Variants in IGF1R observed in about 807,000 individuals in gnomAD.
IGF1R encodes the protein insulin like growth factor 1 receptor.
IGF1R carries 44 observed loss-of-function variants against 144.6 expected under a neutral mutation model. That is an observed-to-expected ratio of 0.30 (90% CI 0.24 to 0.39). The LOEUF (loss-of-function observed/expected upper bound fraction) is 0.39, where lower values mean the gene tolerates loss of function less well. Among genes scored for constraint, IGF1R ranks in the 10% least tolerant of loss-of-function variants. The probability of loss-of-function intolerance (pLI) is 1.00; values close to 1 mark genes in which losing one functional copy is unlikely to be tolerated. For missense variants in IGF1R, 1,355 were observed against 1,833.7 expected (o/e 0.74, Z 4.77); for synonymous variants, 795 against 722.8 (o/e 1.10, Z -1.60).
At chr15:98,915,481 C>T (rs563264528) in intron 8 of IGF1R, among the ~76,000 whole-genome samples, 7 of 152,226 alleles carry the variant, frequency 4.6e-5, no homozygotes, top group Non-Finnish European at 7.3e-5. Context: ...CACACACAGA[C>T]TCTCCAGGCC....
At chr15:98,782,479 A>G (rs2055882499) in intron 2 of IGF1R, among the ~76,000 whole-genome samples, 1 of 152,128 alleles carries the variant, frequency 6.6e-6, no homozygotes, top group Admixed American at 6.5e-5. Context: ...CATATGTTCT[A>G]CTGTATAATT....
chr15:98,853,529 A>G (rs1438887120), intron 2 of IGF1R, among the ~76,000 whole-genome samples: 1 of 152,230 alleles, frequency 6.6e-6, no homozygotes, highest in Admixed American at 6.5e-5. Context: ...AATGACATCC[A>G]GTCTTGCTTA....
chr15:98,913,056 T>C lies in IGF1R; in HGVS notation c.1602T>C (p.Asn534=). The change falls in exon 8 of 21, where the codon AAT becomes AAC. Residue 534 remains asparagine, a synonymous_variant. Transcript: ENST00000650285. ...TVYYKEAPFK[N]VTEYDGQDAC... is the part of the protein sequence containing the mutation. ...AATTGTCTTTCAGACCCTTTAAGAA[T>C]GTCACAGAGTATGATGGGCAGGATG... The C allele has an allele frequency of 1.2e-6, 2 of 1,613,344 alleles. No individual in the cohort carries two copies. The highest frequency in any genetic ancestry group is 1.7e-6 in the Non-Finnish European group (2 of 1,179,220).
rs535350747 is a variant in IGF1R, at chr15:98,960,418, CTGGCTGGTTGTCTT to C, written c.*2980_*2993del. 72 of 233,348 alleles carry C rather than the reference CTGGCTGGTTGTCTT, an allele frequency of 3.1e-4. No homozygotes were observed. In the East Asian group the frequency reaches 4.3e-3, roughly 14 times the overall value. 14.5% of individuals were successfully genotyped at this position (233,348 alleles called of 1,614,324 possible). The stretch of plus-strand genomic sequence containing the variant: ...ACCTGGGGGAGCCACCAGGCTGTCC[CTGGCTGGTTGTCTT>C]TGGAACAAACTGCTTCTGTGCAGAT... On this transcript the variant is annotated 3_prime_UTR_variant, in exon 21 of 21. Transcript: ENST00000650285.
intron 2 of IGF1R, among the ~76,000 whole-genome samples, chr15:98,822,933 A>G (rs1053519629): frequency 2.0e-5 from 3 of 152,236 alleles, no homozygotes; most frequent in African/African-American, 7.2e-5. Flanking sequence ...AGGTTCCAGC[A>G]TAGTATTGCA....
intron 3 of IGF1R, among the ~76,000 whole-genome samples, chr15:98,896,361 G>A (rs2014197169): frequency 1.3e-5 from 2 of 152,116 alleles, no homozygotes; most frequent in South Asian, 4.1e-4. Context: ...CAGGTACACA[G>A]GCCAGGGTCA....
At chr15:98,657,323 G>A (rs2052510032) in intron 1 of IGF1R, among the ~76,000 whole-genome samples, 1 of 152,186 alleles carries the variant, frequency 6.6e-6, no homozygotes, top group Non-Finnish European at 1.5e-5. Flanking sequence ...GAAATTCCAG[G>A]TAGGAGCCCA....
At chr15:98,918,287 C>G (rs1260599051) in intron 10 of IGF1R, among the ~76,000 whole-genome samples, 1 of 152,168 alleles carries the variant, frequency 6.6e-6, no homozygotes, top group Non-Finnish European at 1.5e-5. Flanking sequence ...CCAGCACGTT[C>G]CCTTCCCCTC....
intron 1 of IGF1R, among the ~76,000 whole-genome samples, chr15:98,700,334 A>G (rs1246708825): frequency 6.6e-6 from 1 of 152,046 alleles, no homozygotes. Flanking sequence ...GAGAGAGAGA[A>G]TGTCAATTTG....
intron 2 of IGF1R, among the ~76,000 whole-genome samples, chr15:98,809,489 G>T (rs2056539666): frequency 6.6e-6 from 1 of 152,180 alleles, no homozygotes; most frequent in African/African-American, 2.4e-5. Context: ...TGGGAACATT[G>T]CCTGGTCTAC....
chr15:98,685,056 C>T (rs1191351950), intron 1 of IGF1R, among the ~76,000 whole-genome samples: 1 of 151,800 alleles, frequency 6.6e-6, no homozygotes, highest in African/African-American at 2.4e-5. Flanking sequence ...GATCCTCCTG[C>T]CTCAGCCTCC....
At chr15:98,908,324 G>C (rs1408642719) in intron 5 of IGF1R, among the ~76,000 whole-genome samples, 1 of 152,222 alleles carries the variant, frequency 6.6e-6, no homozygotes, top group Non-Finnish European at 1.5e-5. Context: ...GAGCATGTCT[G>C]TTCTCTCATG....
intron 2 of IGF1R, among the ~76,000 whole-genome samples, chr15:98,746,830 G>A (rs1192025521): frequency 2.0e-5 from 3 of 152,186 alleles, no homozygotes; most frequent in Admixed American, 1.3e-4. Context: ...AAATGGGTGT[G>A]TGTTGTTCGT....
intron 1 of IGF1R, among the ~76,000 whole-genome samples, chr15:98,670,858 C>T (rs1011852654): frequency 3.3e-5 from 5 of 152,150 alleles, no homozygotes; most frequent in African/African-American, 1.2e-4. Context: ...AACCTGTCAT[C>T]TCACATGACC....
intron 2 of IGF1R, among the ~76,000 whole-genome samples, chr15:98,719,766 C>A (rs1012754525): frequency 6.6e-6 from 1 of 152,172 alleles, no homozygotes; most frequent in Admixed American, 6.5e-5. Context: ...GTGTTCAGTG[C>A]TTTAGGGTGG....
intron 2 of IGF1R, among the ~76,000 whole-genome samples, chr15:98,793,762 A>G (rs2056178286): frequency 6.6e-6 from 1 of 152,206 alleles, no homozygotes; most frequent in South Asian, 2.1e-4. Flanking sequence ...TTATACCCAG[A>G]GGTCTGCAGG....
chr15:98,942,787 A>G, intron 18 of IGF1R, 136 bp from the exon 19 acceptor site: 2 of 1,094,778 alleles, frequency 1.8e-6, no homozygotes, highest in Non-Finnish European at 2.8e-6. Context: ...AAACCCTAAT[A>G]TTTGGCCACC....
At chr15:98,831,317 A>ATC (rs1882408288) in intron 2 of IGF1R, among the ~76,000 whole-genome samples, 1 of 152,208 alleles carries the variant, frequency 6.6e-6, no homozygotes, top group South Asian at 2.1e-4. Flanking sequence ...CTCCACCAGA[A>ATC]TCCATCTCAC....
At chr15:98,706,827 G>T (rs142616893) in intron 1 of IGF1R, among the ~76,000 whole-genome samples, 5 of 147,380 alleles carry the variant, frequency 3.4e-5, no homozygotes, top group Non-Finnish European at 6.0e-5. Flanking sequence ...ATTTTTACTG[G>T]TTTTTTTTTT....
Sources: gnomAD v4.1 joint callset for allele counts (sites outside exome capture counted in the v4.1 genomes callset) on GRCh38, gnomAD v4.1.1 for gene constraint, MANE v1.5 for transcripts, NCBI Gene and HGNC (gene_info 2026-07-23, HGNC 2026-07-21) for gene names.